The following SCAPER variants were observed in gnomAD, a reference collection of about 807,000 sequenced individuals.
SCAPER encodes S-phase cyclin A associated protein in the ER.
A neutral mutation model predicts 182.2 loss-of-function variants in SCAPER; 98 were observed. The ratio of observed to expected loss-of-function variants is 0.54; its 90% CI spans 0.46 to 0.64. The LOEUF (loss-of-function observed/expected upper bound fraction) is 0.64. SCAPER is among the 30% of genes least tolerant of loss of function. The probability of loss-of-function intolerance (pLI) is 0.00; values close to 1 mark genes in which losing one functional copy is unlikely to be tolerated. For synonymous variants in SCAPER, 605 were observed against 564.6 expected (o/e 1.07, Z -1.01); for missense variants, 1,432 against 1,690.0 (o/e 0.85, Z 2.68).
intron 25 of SCAPER, among the ~76,000 whole-genome samples, chr15:76,460,123 T>C (rs2049047739): frequency 6.6e-6 from 1 of 152,112 alleles, no homozygotes; most frequent in Non-Finnish European, 1.5e-5. Context: ...GAAATTGGTG[T>C]TTTGATAGGG....
At chr15:76,670,523 C>G (rs957849453) in intron 20 of SCAPER, among the ~76,000 whole-genome samples, 1 of 152,090 alleles carries the variant, frequency 6.6e-6, no homozygotes, top group African/African-American at 2.4e-5. Context: ...GTCAATTATT[C>G]CTTTATGATC....
At chr15:76,515,429 C>T (rs1381055675) in intron 23 of SCAPER, among the ~76,000 whole-genome samples, 2 of 151,988 alleles carry the variant, frequency 1.3e-5, no homozygotes, top group African/African-American at 4.8e-5. Context: ...TTTTTCTTTG[C>T]CCCTATATCT....
At chr15:76,355,089 C>T (rs1187438326) in intron 29 of SCAPER, among the ~76,000 whole-genome samples, 3 of 152,252 alleles carry the variant, frequency 2.0e-5, no homozygotes, top group Non-Finnish European at 4.4e-5. Flanking sequence ...GGACTACATT[C>T]AAATTAAAAC....
chr15:76,464,119 A>G lies in SCAPER; in HGVS notation c.3078+7093T>C, dbSNP rs549254582. 2.8e-3 allele frequency among the ~76,000 whole-genome samples: 426 copies of G among 150,958 alleles called. 1 individual carries two copies. The highest frequency in any genetic ancestry group is 7.5e-3 in the South Asian group (36 of 4,790). The stretch of plus-strand genomic sequence containing the variant: ...CATTGTTGTAAAATGGGTCTCTAGA[A>G]CTTTTTCATCTCACTTGACTGAAAC... On this transcript the variant is annotated intron_variant, in intron 25 of 31. Coordinates refer to ENST00000563290, the MANE Select transcript of SCAPER (RefSeq NM_020843.4).
intron 29 of SCAPER, among the ~76,000 whole-genome samples, chr15:76,362,986 C>A (rs2041552975): frequency 6.6e-6 from 1 of 152,092 alleles, no homozygotes. Context: ...TTGTTTTTTA[C>A]CCCAGAAGGC....
At chr15:76,835,076 T>A (rs946009654) in intron 5 of SCAPER, among the ~76,000 whole-genome samples, 11 of 152,026 alleles carry the variant, frequency 7.2e-5, no homozygotes, top group Non-Finnish European at 1.6e-4. Context: ...TGAAACTTCA[T>A]TAAAGTTTCA....
intron 25 of SCAPER, among the ~76,000 whole-genome samples, chr15:76,456,795 C>T (rs773120492): frequency 5.9e-5 from 9 of 152,142 alleles, no homozygotes; most frequent in Non-Finnish European, 1.0e-4. Context: ...GTAGTATACA[C>T]ATTTATGACT....
intron 1 of SCAPER, among the ~76,000 whole-genome samples, chr15:76,900,563 T>C (rs1441236218): frequency 6.6e-6 from 1 of 152,198 alleles, no homozygotes. Flanking sequence ...ACAAAGTGTC[T>C]GAACAAGTTC....
intron 2 of SCAPER, among the ~76,000 whole-genome samples, chr15:76,876,186 G>A (rs1335211528): frequency 2.0e-5 from 3 of 152,196 alleles, no homozygotes; most frequent in East Asian, 1.9e-4. Flanking sequence ...GTTCCCGCCC[G>A]TGCCTCTCCC....
chr15:76,441,617 T>A (rs1399677516), intron 25 of SCAPER, among the ~76,000 whole-genome samples: 1 of 152,210 alleles, frequency 6.6e-6, no homozygotes, highest in Admixed American at 6.5e-5. Flanking sequence ...CTGCCTGGAA[T>A]ATCTTTCCCC....
At chr15:76,871,524 A>G (rs1357131237) in intron 2 of SCAPER, among the ~76,000 whole-genome samples, 3 of 151,572 alleles carry the variant, frequency 2.0e-5, no homozygotes, top group African/African-American at 7.3e-5. Flanking sequence ...ACTGGTGACT[A>G]ATTACCAAAT....
intron 5 of SCAPER, among the ~76,000 whole-genome samples, chr15:76,838,700 A>C (rs2069166977): frequency 6.6e-6 from 1 of 152,206 alleles, no homozygotes; most frequent in Non-Finnish European, 1.5e-5. Context: ...AGTTCCCTCC[A>C]GATTGAAATG....
chr15:76,802,236 T>C (rs1253479179), intron 6 of SCAPER, among the ~76,000 whole-genome samples: 2 of 152,190 alleles, frequency 1.3e-5, no homozygotes, highest in Non-Finnish European at 2.9e-5. Context: ...TGGGGGAGAC[T>C]AGAATCAGGG....
chr15:76,558,999 A>G (rs921863991), intron 23 of SCAPER, among the ~76,000 whole-genome samples: 1 of 151,890 alleles, frequency 6.6e-6, no homozygotes, highest in East Asian at 1.9e-4. Flanking sequence ...GGTTTTCCCC[A>G]AGCTGTTCTT....
chr15:76,540,734 T>G (rs2044668419), intron 23 of SCAPER, among the ~76,000 whole-genome samples: 1 of 152,038 alleles, frequency 6.6e-6, no homozygotes, highest in South Asian at 2.1e-4. Flanking sequence ...ATAATAATTA[T>G]TATTTTCAAA....
At position 76,775,109 on chromosome 15, in the gene SCAPER, C is replaced by A. The variant is rs1310828259; in HGVS notation, c.781G>T (p.Asp261Tyr). The A allele has an allele frequency of 6.2e-7, 1 of 1,607,438 alleles. No homozygotes were observed. Among genetic ancestry groups the A allele is most frequent in the Non-Finnish European group, 8.5e-7 (1 of 1,177,028 alleles). Reference sequence around the variant, plus strand: ...TGAACGGTCTCCCATCCTTCAGCATCTTTCCGTTCTATGCAATTAAAGTAA... The same window carrying A: ...TGAACGGTCTCCCATCCTTCAGCATATTTCCGTTCTATGCAATTAAAGTAA... ...QKASRKNERK[D>Y]AEGWETVQRG... The change falls in exon 9 of 32, where the codon GAT becomes TAT. Residue 261 changes from aspartate to tyrosine, a missense_variant. By Grantham distance (160) the Asp-to-Tyr change is radical. Around this residue, in one of 5 missense-constraint regions of SCAPER, gnomAD observed 480 missense variants for 510.2 expected, o/e 0.94. Transcript: ENST00000563290.
chr15:76,447,764 T>C (rs2048100029), intron 25 of SCAPER, among the ~76,000 whole-genome samples: 1 of 152,240 alleles, frequency 6.6e-6, no homozygotes, highest in South Asian at 2.1e-4. Flanking sequence ...ATTTTTTGAA[T>C]ACTATGTCCT....
At chr15:76,537,123 G>A (rs1340226587) in intron 23 of SCAPER, among the ~76,000 whole-genome samples, 6 of 151,726 alleles carry the variant, frequency 4.0e-5, no homozygotes, top group South Asian at 2.1e-4. Flanking sequence ...AATCAATATC[G>A]TGAAAATGGC....
At chr15:76,461,603 C>A (rs550503012) in intron 25 of SCAPER, among the ~76,000 whole-genome samples, 1 of 151,766 alleles carries the variant, frequency 6.6e-6, no homozygotes, top group African/African-American at 2.4e-5. Flanking sequence ...TATGTTTTTA[C>A]TTCTGTGATA....
Sources: gnomAD v4.1 joint callset for allele counts (sites outside exome capture counted in the v4.1 genomes callset) on GRCh38, gnomAD v4.1.1 for gene constraint, gnomAD v4.1.1 regional missense constraint, MANE v1.5 for transcripts, NCBI Gene and HGNC (gene_info 2026-07-23, HGNC 2026-07-21) for gene names.